GSK3B: variants seen among roughly 807,000 people sequenced by gnomAD.
GSK3B encodes the protein glycogen synthase kinase-3 beta.
A neutral mutation model predicts 56.4 loss-of-function variants in GSK3B; 15 were observed. That is an observed-to-expected ratio of 0.27 (90% CI 0.18 to 0.41). The LOEUF is 0.41. Among genes scored for constraint, GSK3B ranks in the 10% least tolerant of loss-of-function variants. The probability of loss-of-function intolerance (pLI) is 1.00; values close to 1 mark genes in which losing one functional copy is unlikely to be tolerated. For missense variants in GSK3B, 300 were observed against 513.4 expected (o/e 0.58, Z 4.02); for synonymous variants, 181 against 188.9 (o/e 0.96, Z 0.34).
chr3:120,025,507 C>T (rs963806548), intron 1 of GSK3B, among the ~76,000 whole-genome samples: 1 of 152,068 alleles, frequency 6.6e-6, no homozygotes, highest in Admixed American at 6.6e-5. Context: ...GAGAAGATAG[C>T]AAATATGAAG....
chr3:119,976,393 T>C (rs909367561), intron 2 of GSK3B, among the ~76,000 whole-genome samples: 1 of 152,034 alleles, frequency 6.6e-6, no homozygotes, highest in Non-Finnish European at 1.5e-5. Context: ...TATTCAGCCA[T>C]AAAAGGAATG....
At chr3:120,082,382 G>GTTTTTTTTTT (rs1296252569) in intron 1 of GSK3B, among the ~76,000 whole-genome samples, 1 of 72,512 alleles carries the variant, frequency 1.4e-5, no homozygotes, top group African/African-American at 5.6e-5. Context: ...AAATTAGTAT[G>GTTTTTTTTTT]TTCTTTTTTT....
At chr3:119,974,057 C>T (rs1315688480) in intron 2 of GSK3B, among the ~76,000 whole-genome samples, 1 of 152,060 alleles carries the variant, frequency 6.6e-6, no homozygotes, top group African/African-American at 2.4e-5. Context: ...TTGGTGGTGA[C>T]TTTTAAAATA....
In GSK3B at chr3:119,876,393, TA is replaced by T. The variant is rs72548704; in HGVS notation, c.909+19del. ...TTAGTTAACTACTGATTAATATACTTAAAAAAAAATCTAACTCACCTTAGTC... is the reference window on the plus strand; with the variant it reads ...TTAGTTAACTACTGATTAATATACTTAAAAAAAATCTAACTCACCTTAGTC... On this transcript the variant is annotated intron_variant, in intron 8 of 10. Transcript: ENST00000264235. 325 of 1,334,114 alleles carry T rather than the reference TA, an allele frequency of 2.4e-4. No homozygotes were observed. The highest frequency in any genetic ancestry group is 4.8e-4 in the East Asian group (21 of 43,428). The allele number at this position is 1,334,114 out of a possible 1,614,324, so 82.6% of individuals were successfully genotyped here.
At chr3:120,048,294 TATTTCCTC>T (rs975919829) in intron 1 of GSK3B, among the ~76,000 whole-genome samples, 19 of 152,240 alleles carry the variant, frequency 1.2e-4, no homozygotes, top group Non-Finnish European at 1.5e-5. Context: ...AACCATTTAG[TATTTCCTC>T]ATTTCCTCCT....
intron 1 of GSK3B, among the ~76,000 whole-genome samples, chr3:120,080,272 C>CA (rs1342915752): frequency 3.3e-5 from 5 of 150,822 alleles, no homozygotes; most frequent in Non-Finnish European, 7.4e-5. Flanking sequence ...ATCTGATAAA[C>CA]AGAGCAAGAT....
In GSK3B at chr3:119,923,470, T is replaced by C. The variant is rs1347660914; in HGVS notation, c.380A>G (p.Tyr127Cys). 1.9e-6 allele frequency: 3 copies of C among 1,562,626 alleles called. No homozygotes were observed. The highest frequency in any genetic ancestry group is 1.4e-5 in the African/African-American group (1 of 73,838). The change falls in exon 4 of 11, where the codon TAT (tyrosine) becomes TGT (cysteine). Residue 127 changes from tyrosine to cysteine, a missense_variant. By Grantham distance (194) the Tyr-to-Cys change is radical. This residue lies in a region of GSK3B where 62 missense variants were observed against 84.0 expected (regional missense o/e 0.74). Coordinates refer to ENST00000264235, the MANE Select transcript of GSK3B (RefSeq NM_001146156.2). ...YSSGEKKDEV[Y>C]LNLVLDYVPE... ...AACATAGTCCAGCACCAGATTAAGA[T>C]AGACCTCATCTTTCTGAAAGAGTTT...
In GSK3B at chr3:119,972,821, C is replaced by A. The variant is rs899950266; in HGVS notation, c.283-25470G>T. Among the ~76,000 whole-genome samples the A allele has an allele frequency of 3.9e-5, 6 of 152,206 alleles. No individual in the cohort carries two copies. In the East Asian group the frequency reaches 1.2e-3, roughly 29 times the overall value. ...TGTAGGACCTATGAAAAACTAGAAG[C>A]TTTCAATTGTTTTGTACCATAATAT... On this transcript the variant is annotated intron_variant, in intron 2 of 10. Transcript: ENST00000264235.
intron 1 of GSK3B, among the ~76,000 whole-genome samples, chr3:120,079,459 G>A (rs1201196172): frequency 6.6e-6 from 1 of 151,374 alleles, no homozygotes; most frequent in Non-Finnish European, 1.5e-5. Flanking sequence ...CAGTAGTGCA[G>A]TATCGGCTCA....
chr3:119,919,283 C>T (rs2056812384), intron 4 of GSK3B, among the ~76,000 whole-genome samples: 1 of 152,090 alleles, frequency 6.6e-6, no homozygotes, highest in Non-Finnish European at 1.5e-5. Context: ...TGATGAGGTT[C>T]ATGAAGGCAA....
At chr3:119,879,376 T>C (rs1230154555) in intron 7 of GSK3B, among the ~76,000 whole-genome samples, 3 of 151,980 alleles carry the variant, frequency 2.0e-5, no homozygotes, top group Non-Finnish European at 4.4e-5. Flanking sequence ...AGAGATGGGG[T>C]TTCACAGTGG....
At chr3:119,890,439 G>A (rs1164312781) in intron 7 of GSK3B, among the ~76,000 whole-genome samples, 3 of 152,114 alleles carry the variant, frequency 2.0e-5, no homozygotes, top group Admixed American at 2.0e-4. Flanking sequence ...TGTAGTGACA[G>A]AAAATAGATC....
intron 1 of GSK3B, among the ~76,000 whole-genome samples, chr3:120,081,206 T>C (rs2058416375): frequency 6.6e-6 from 1 of 151,780 alleles, no homozygotes; most frequent in Non-Finnish European, 1.5e-5. Flanking sequence ...GAAGTGTCTG[T>C]ATACTCTATG....
intron 1 of GSK3B, among the ~76,000 whole-genome samples, chr3:120,061,979 G>A (rs1460980288): frequency 3.9e-5 from 6 of 152,140 alleles, no homozygotes; most frequent in East Asian, 1.9e-4. Context: ...TGATCTGCCC[G>A]CCTTGGCCTC....
intron 9 of GSK3B, among the ~76,000 whole-genome samples, chr3:119,852,164 A>G (rs1005871883): frequency 1.3e-5 from 2 of 152,208 alleles, no homozygotes; most frequent in Admixed American, 6.5e-5. Flanking sequence ...TGAGGACTAT[A>G]TAATATGATA....
At chr3:119,893,089 C>A (rs1424583372) in intron 7 of GSK3B, among the ~76,000 whole-genome samples, 1 of 152,016 alleles carries the variant, frequency 6.6e-6, no homozygotes, top group Non-Finnish European at 1.5e-5. Context: ...CTCACTGCAA[C>A]CTCTACCTCC....
chr3:120,074,273 T>C (rs941300745), intron 1 of GSK3B, among the ~76,000 whole-genome samples: 2 of 151,292 alleles, frequency 1.3e-5, no homozygotes, highest in Non-Finnish European at 2.9e-5. Context: ...GCAGTGCAGC[T>C]TGGGTCACAG....
At chr3:119,842,155 A>G (rs1472583422) in intron 10 of GSK3B, among the ~76,000 whole-genome samples, 2 of 152,190 alleles carry the variant, frequency 1.3e-5, no homozygotes, top group Non-Finnish European at 2.9e-5. Context: ...TAAAACTTTT[A>G]AGTTTTAAAA....
intron 1 of GSK3B, among the ~76,000 whole-genome samples, chr3:120,033,908 G>A (rs1168794909): frequency 1.3e-5 from 2 of 152,158 alleles, no homozygotes; most frequent in East Asian, 1.9e-4. Context: ...CTTTGGAACT[G>A]TGAGTCAATT....
Sources: allele counts gnomAD v4.1 joint callset (sites outside exome capture counted in the v4.1 genomes callset), GRCh38; gene constraint gnomAD v4.1.1; regional missense constraint gnomAD v4.1.1; transcripts MANE v1.5; gene names NCBI Gene and HGNC (gene_info 2026-07-23, HGNC 2026-07-21).